CACNA1B: variants seen among roughly 807,000 people sequenced by gnomAD.
CACNA1B encodes the protein calcium voltage-gated channel subunit alpha1 B.
A neutral mutation model predicts 247.2 loss-of-function variants in CACNA1B; 70 were observed. That is an observed-to-expected ratio of 0.28 (90% confidence interval 0.23 to 0.35). The LOEUF is 0.35. Among genes scored for constraint, CACNA1B ranks in the 10% least tolerant of loss-of-function variants. The pLI, the probability that CACNA1B is intolerant of heterozygous loss-of-function variation, is 1.00. For synonymous variants in CACNA1B, 1,231 were observed against 1,294.4 expected (o/e 0.95, Z 1.05); for missense variants, 2,367 against 3,197.4 (o/e 0.74, Z 6.26).
chr9:138,101,896 G>A (rs959360825), intron 37 of CACNA1B, among the ~76,000 whole-genome samples: 3 of 152,204 alleles, frequency 2.0e-5, no homozygotes, highest in African/African-American at 7.2e-5. Flanking sequence ...CCCAGGCCTC[G>A]TGGCCTCTCT....
At chr9:137,970,012 A>G (rs1958127175) in intron 10 of CACNA1B, among the ~76,000 whole-genome samples, 4 of 151,894 alleles carry the variant, frequency 2.6e-5, no homozygotes, top group Admixed American at 1.3e-4. Flanking sequence ...CACACGAGCT[A>G]TGAGAGCCAC....
chr9:137,915,429 G>T (rs1016064673), intron 5 of CACNA1B, among the ~76,000 whole-genome samples: 7 of 152,162 alleles, frequency 4.6e-5, no homozygotes, highest in Admixed American at 1.3e-4. Context: ...GGGTGTATTT[G>T]TAGGTAAAGC....
Position 137,957,533 on chromosome 9 carries a change from C to A in CACNA1B, c.1244-65C>A. The A allele has an allele frequency of 3.2e-6, 4 of 1,253,214 alleles. No individual in the cohort carries two copies. Among genetic ancestry groups the A allele is most frequent in the Non-Finnish European group, 4.4e-6 (4 of 904,984 alleles). 77.6% of individuals were successfully genotyped at this position (1,253,214 alleles called of 1,614,324 possible). A position where few individuals can be genotyped will look rare whatever the true frequency, so the allele number is the denominator to read the frequency against. ...CCCAGGGGGAGGGTGATCCCATGCC[C>A]CGCTGAGGCAGGTGGCCTGAGGGCT... On this transcript the variant is annotated intron_variant, in intron 9 of 46. Transcript: ENST00000371372. This position sits in a 1 kb window ranked among gnomAD's most constrained non-coding sequence, Gnocchi z 4.7.
chr9:138,078,692 C>T (rs1020936321), intron 36 of CACNA1B, among the ~76,000 whole-genome samples: 5 of 152,104 alleles, frequency 3.3e-5, no homozygotes, highest in Non-Finnish European at 5.9e-5. Flanking sequence ...ATCTGCTTGA[C>T]GTTTTACAGC....
At chr9:137,915,315 T>C (rs1053855345) in intron 5 of CACNA1B, among the ~76,000 whole-genome samples, 1 of 152,172 alleles carries the variant, frequency 6.6e-6, no homozygotes, top group East Asian at 1.9e-4. Flanking sequence ...TTCTGATCAT[T>C]CGGGCTGCTC....
intron 6 of CACNA1B, among the ~76,000 whole-genome samples, chr9:137,931,230 C>T (rs888723717): frequency 2.6e-5 from 4 of 151,758 alleles, no homozygotes; most frequent in South Asian, 2.1e-4. Flanking sequence ...AGTGTGGGAT[C>T]GGGCTCGCGT....
At chr9:138,083,295 G>A (rs1372225770) in intron 36 of CACNA1B, among the ~76,000 whole-genome samples, 1 of 151,052 alleles carries the variant, frequency 6.6e-6, no homozygotes, top group Admixed American at 6.6e-5. Flanking sequence ...ACTGGTGGCC[G>A]ACATCCCCAA....
Position 138,000,783 on chromosome 9 carries a change from G to A in CACNA1B, c.1975-5984G>A, listed in dbSNP as rs140041909. Among the ~76,000 whole-genome samples the A allele has an allele frequency of 4.8e-3, 732 of 152,260 alleles. 3 individuals are homozygous for A. Among genetic ancestry groups the A allele is most frequent in the Non-Finnish European group, 7.4e-3 (504 of 68,010 alleles). On this transcript the variant is annotated intron_variant, in intron 15 of 46. Transcript: ENST00000371372. The stretch of plus-strand genomic sequence containing the variant: ...GAATATCGCCCAACACGGCAGGTAC[G>A]CTAATGTCTCCCCAGTGAAAGTAGA...
rs201247322 is a variant in CACNA1B, at chr9:138,123,650, C to T, written c.*1651C>T. ...GTTCAGTGTGTGGATGTCATTAACC[C>T]ATAGGGCTATGCAACAAAAGACACA... On this transcript the variant is annotated 3_prime_UTR_variant, in exon 47 of 47. Coordinates refer to ENST00000371372, the MANE Select transcript of CACNA1B (RefSeq NM_000718.4). 3 of 151,928 alleles carry T rather than the reference C, an allele frequency of 2.0e-5. No individual in the cohort carries two copies. Among genetic ancestry groups the T allele is most frequent in the Non-Finnish European group, 2.9e-5 (2 of 67,980 alleles). 9.4% of individuals were successfully genotyped at this position (151,928 alleles called of 1,614,324 possible).
chr9:138,006,511 T>C (rs1345133311), intron 15 of CACNA1B, among the ~76,000 whole-genome samples: 2 of 152,222 alleles, frequency 1.3e-5, no homozygotes, highest in Non-Finnish European at 2.9e-5. Context: ...TCCCTTTTCA[T>C]TTCTGGCTGA....
At chr9:138,065,783 C>T (rs1959893048) in intron 31 of CACNA1B, among the ~76,000 whole-genome samples, 4 of 152,352 alleles carry the variant, frequency 2.6e-5, no homozygotes, top group South Asian at 4.1e-4. Context: ...ACCATCCTTA[C>T]AGCGCCCATT....
Position 138,073,943 on chromosome 9 carries a change from G to T in CACNA1B, c.4792-58G>T. ...CTCAAAGGCCCAGCCACCGTAGCAG[G>T]AGGCCTGGGCGTGGTGGCTGGGAGG... is the stretch of plus-strand genomic sequence containing the variant. On this transcript the variant is annotated intron_variant, in intron 33 of 46. Coordinates refer to ENST00000371372, the MANE Select transcript of CACNA1B (RefSeq NM_000718.4). The surrounding 1 kb of genome is among the most constrained non-coding windows in gnomAD (Gnocchi z 6.4). 1 of 1,405,544 alleles carries T rather than the reference G, an allele frequency of 7.1e-7. No homozygotes were observed. 87.1% of individuals were successfully genotyped at this position (1,405,544 alleles called of 1,614,324 possible).
Position 138,105,748 on chromosome 9 carries a change from A to G in CACNA1B, c.5369A>G (p.His1790Arg), listed in dbSNP as rs1318264762. 6.4e-7 allele frequency: 1 copy of G among 1,567,922 alleles called. No homozygotes were observed. The highest frequency in any genetic ancestry group is 1.4e-5 in the African/African-American group (1 of 73,670). The change falls in exon 39 of 47, where the codon CAC becomes CGC. Residue 1790 changes from histidine to arginine, a missense_variant. This residue lies in a region of CACNA1B where 773 missense variants were observed against 779.4 expected (regional missense o/e 0.99). Coordinates refer to ENST00000371372, the MANE Select transcript of CACNA1B (RefSeq NM_000718.4). The stretch of plus-strand genomic sequence containing the variant: ...ATCTCCAACGAGGACATGACTGTTC[A>G]CTTCACGTCCACGCTGATGGCCCTC... ...MPISNEDMTV[H>R]FTSTLMALIR...
chr9:138,043,726 G>C, intron 20 of CACNA1B, 48 bp from the exon 21 acceptor site: 1 of 1,609,654 alleles, frequency 6.2e-7, no homozygotes, highest in Non-Finnish European at 8.5e-7. Flanking sequence ...CGCAACGTGG[G>C]CTTCATGTGC....
rs559529252 is a variant in CACNA1B, at chr9:138,024,683, C to T, written c.3069-272C>T. 2.0e-5 allele frequency among the ~76,000 whole-genome samples: 3 copies of T among 152,144 alleles called. No homozygotes were observed. The East Asian group carries it at 5.8e-4, about 29-fold the overall frequency. On this transcript the variant is annotated intron_variant, in intron 19 of 46. Transcript: ENST00000371372. ...CCGCACTGTCGCCCAGGGTGGAGTGCAGTGGCGCAATCATGGCTCACTGCA... is the reference window on the plus strand; with the variant it reads ...CCGCACTGTCGCCCAGGGTGGAGTGTAGTGGCGCAATCATGGCTCACTGCA...
chr9:137,956,904 C>A, intron 9 of CACNA1B, 77 bp downstream of exon 9: 5 of 1,219,936 alleles, frequency 4.1e-6, no homozygotes, highest in Non-Finnish European at 6.1e-6. Context: ...TGCCTGCTTG[C>A]ATGTTTCACG....
chr9:138,097,840 G>A (rs1961106461), intron 37 of CACNA1B, among the ~76,000 whole-genome samples: 1 of 152,236 alleles, frequency 6.6e-6, no homozygotes, highest in East Asian at 1.9e-4. Context: ...CTGCAGCTCA[G>A]CAGAGGGAGC....
At chr9:137,959,196 C>G (rs1170759558) in intron 10 of CACNA1B, among the ~76,000 whole-genome samples, 1 of 152,032 alleles carries the variant, frequency 6.6e-6, no homozygotes, top group African/African-American at 2.4e-5. Context: ...CCTCAGCAAC[C>G]CGAGTAGCTG....
chr9:138,114,465 A>G lies in CACNA1B; in HGVS notation c.5624A>G (p.Gln1875Arg). ...AACAAAACCACCAGAGACCAGATGCAGCAGGCTCCTGGAGGCCTCTCCCAG... is the reference window on the plus strand; with the variant it reads ...AACAAAACCACCAGAGACCAGATGCGGCAGGCTCCTGGAGGCCTCTCCCAG... ...KQNKTTRDQMQQAPGGLSQMG... is the reference protein window; with the variant it reads ...KQNKTTRDQMRQAPGGLSQMG... The change falls in exon 41 of 47, where the codon CAG becomes CGG. Residue 1875 changes from glutamine (Q) to arginine (R), a missense_variant. This residue lies in a region of CACNA1B where 773 missense variants were observed against 779.4 expected (regional missense o/e 0.99). Transcript: ENST00000371372. The G allele has an allele frequency of 1.3e-6, 2 of 1,582,304 alleles. No homozygotes were observed. The highest frequency in any genetic ancestry group is 8.6e-7 in the Non-Finnish European group (1 of 1,162,702).
Sources: allele counts gnomAD v4.1 joint callset (sites outside exome capture counted in the v4.1 genomes callset), GRCh38; gene constraint gnomAD v4.1.1; regional missense constraint gnomAD v4.1.1; non-coding constraint Gnocchi (gnomAD v3.1); transcripts MANE v1.5; gene names NCBI Gene and HGNC (gene_info 2026-07-23, HGNC 2026-07-21).